Variants in CHD9 observed in about 807,000 individuals in gnomAD.
CHD9 encodes chromodomain helicase DNA binding protein 9.
CHD9 carries 77 observed loss-of-function variants against 316.1 expected under a neutral mutation model. The observed-to-expected ratio is 0.24, with a 90% CI of 0.20 to 0.29. CHD9 has a LOEUF of 0.29. Among genes scored for constraint, CHD9 ranks in the 10% least tolerant of loss-of-function variants. The pLI, the probability that CHD9 is intolerant of heterozygous loss-of-function variation, is 1.00. For synonymous variants in CHD9, 1,129 were observed against 1,158.3 expected (o/e 0.97, Z 0.51); for missense variants, 2,763 against 3,438.1 (o/e 0.80, Z 4.91).
At position 53,246,805 on chromosome 16, in the gene CHD9, C is replaced by T. The variant is rs888195693; in HGVS notation, c.3455-488C>T. On this transcript the variant is annotated intron_variant, in intron 15 of 38. Transcript: ENST00000447540. ...TCCCAAAGTGCTGAAATTACAGGCA[C>T]GAGCCACTGCACCTAGCCTTAATTT... Among the ~76,000 whole-genome samples, 40 of 152,058 alleles carry T rather than the reference C, an allele frequency of 2.6e-4. No homozygotes were observed. In the South Asian group the frequency reaches 5.4e-3, roughly 21 times the overall value.
chr16:53,100,526 A>G (rs1346052562), intron 1 of CHD9, among the ~76,000 whole-genome samples: 1 of 146,510 alleles, frequency 6.8e-6, no homozygotes, highest in African/African-American at 2.5e-5. Flanking sequence ...GTGGCTGATC[A>G]TAGCTCAGTG....
At chr16:53,259,673 C>T (rs941648291) in intron 19 of CHD9, among the ~76,000 whole-genome samples, 4 of 152,068 alleles carry the variant, frequency 2.6e-5, no homozygotes, top group African/African-American at 9.7e-5. Context: ...CCGCCATGCC[C>T]AGTTAATTTT....
intron 1 of CHD9, among the ~76,000 whole-genome samples, chr16:53,154,789 C>T (rs10468261): frequency 6.6e-6 from 1 of 152,224 alleles, no homozygotes; most frequent in East Asian, 1.9e-4. Context: ...TCTAACAGGC[C>T]ACGCACCCAT....
At chr16:53,103,650 A>G (rs2037078770) in intron 1 of CHD9, among the ~76,000 whole-genome samples, 1 of 152,230 alleles carries the variant, frequency 6.6e-6, no homozygotes, top group African/African-American at 2.4e-5. Flanking sequence ...GGGTAGAGCT[A>G]GAAAGTTCTT....
In CHD9 at chr16:53,318,289, T is replaced by C. The variant is rs770563888; in HGVS notation, c.7662T>C (p.Ser2554=). The C allele has an allele frequency of 3.0e-5, 48 of 1,612,492 alleles. No individual in the cohort carries two copies. Among genetic ancestry groups the C allele is most frequent in the Non-Finnish European group, 3.1e-5 (37 of 1,179,176 alleles). ...ACCCCAATAAACTAGATGTGAATAG[T>C]CTCACTGGAGAAGAACGTGTTCAAC... ...CRNPNKLDVN[S]LTGEERVQLI... The change falls in exon 37 of 39, where the codon AGT becomes AGC. Residue 2554 remains serine (S), a synonymous_variant. Coordinates refer to ENST00000447540, the MANE Select transcript of CHD9 (RefSeq NM_001308319.2).
chr16:53,321,126 C>A (rs1395860880), intron 37 of CHD9: 3 of 726,500 alleles, frequency 4.1e-6, no homozygotes, highest in Non-Finnish European at 6.3e-6. Context: ...TTATAAAACC[C>A]TATGAGGGAA....
intron 2 of CHD9, among the ~76,000 whole-genome samples, chr16:53,206,219 C>T (rs1466785065): frequency 6.6e-6 from 1 of 152,116 alleles, no homozygotes; most frequent in East Asian, 1.9e-4. Flanking sequence ...TCCCAAAGTG[C>T]TGGGATTATA....
At chr16:53,165,531 T>C (rs2152766091) in intron 2 of CHD9, among the ~76,000 whole-genome samples, 1 of 152,232 alleles carries the variant, frequency 6.6e-6, no homozygotes, top group East Asian at 1.9e-4. Context: ...TGAAAATAAT[T>C]TTAAAGGGAG....
Position 53,209,550 on chromosome 16 carries a change from C to A in CHD9, c.1521C>A (p.Val507=). The A allele has an allele frequency of 1.2e-6, 2 of 1,613,648 alleles. No homozygotes were observed. Among genetic ancestry groups the A allele is most frequent in the African/African-American group, 1.3e-5 (1 of 75,000 alleles). ...AGTTGCAGAATACCCAGGTGAGGGT[C>A]ATGTCTGAGAAGAAGCAGAGAAAAA... The part of the protein sequence containing the change: ...YTKLQNTQVR[V]MSEKKQRKKV... Residue 507 remains valine (V), a synonymous_variant, in exon 3 of 39, where the codon GTC becomes GTA. Coordinates refer to ENST00000447540, the MANE Select transcript of CHD9 (RefSeq NM_001308319.2).
intron 1 of CHD9, among the ~76,000 whole-genome samples, chr16:53,069,256 G>A (rs547122665): frequency 1.3e-5 from 2 of 152,094 alleles, no homozygotes; most frequent in African/African-American, 4.8e-5. Flanking sequence ...CACCCACCTC[G>A]GCTTCCCAAA....
intron 1 of CHD9, among the ~76,000 whole-genome samples, chr16:53,130,708 C>G (rs978809925): frequency 6.6e-6 from 1 of 151,674 alleles, no homozygotes; most frequent in Non-Finnish European, 1.5e-5. Context: ...GAGCAACGAC[C>G]CCGCCTCGCA....
intron 1 of CHD9, among the ~76,000 whole-genome samples, chr16:53,105,137 G>A (rs762790106): frequency 1.7e-4 from 26 of 151,952 alleles, no homozygotes; most frequent in Admixed American, 1.5e-3. Context: ...GTCACCACGC[G>A]CAGCCTCTTT....
At chr16:53,259,020 T>C (rs749745605) in intron 19 of CHD9, among the ~76,000 whole-genome samples, 24 of 152,206 alleles carry the variant, frequency 1.6e-4, no homozygotes, top group Non-Finnish European at 2.9e-4. Context: ...CAATTTAAAA[T>C]CTTCTCTTGC....
rs549828011 is a variant in CHD9 at position 53,261,982 on chromosome 16, A to G, written c.4210-1005A>G. Among the ~76,000 whole-genome samples, 6 of 152,306 alleles carry G rather than the reference A, an allele frequency of 3.9e-5. No homozygotes were observed. The South Asian group carries it at 6.2e-4, about 16-fold the overall frequency. On this transcript the variant is annotated intron_variant, in intron 19 of 38. Coordinates refer to ENST00000447540, the MANE Select transcript of CHD9 (RefSeq NM_001308319.2). ...TGGCTTGTTTGCTTTTAACAGTTTT[A>G]TCTTTTTAATGTGGGATTTTTCTGG...
chr16:53,121,177 T>C (rs1208480395), intron 1 of CHD9: 1 of 338,570 alleles, frequency 3.0e-6, no homozygotes, highest in Non-Finnish European at 5.9e-6. Context: ...TTCATTGTTG[T>C]ATTCCCAGCC....
At chr16:53,217,797 G>T (rs763714221) in intron 3 of CHD9, among the ~76,000 whole-genome samples, 8 of 151,764 alleles carry the variant, frequency 5.3e-5, no homozygotes, top group Non-Finnish European at 1.2e-4. Flanking sequence ...TTAGAAATAG[G>T]GTTTTACTTT....
intron 11 of CHD9, among the ~76,000 whole-genome samples, chr16:53,235,651 T>C (rs1037320112): frequency 2.0e-5 from 3 of 152,178 alleles, no homozygotes; most frequent in African/African-American, 4.8e-5. Flanking sequence ...TAGTGAGTTA[T>C]GAGCAAGGTA....
At chr16:53,194,412 A>G (rs751871285) in intron 2 of CHD9, among the ~76,000 whole-genome samples, 8 of 151,944 alleles carry the variant, frequency 5.3e-5, no homozygotes, top group Non-Finnish European at 1.0e-4. Flanking sequence ...TTGTCTCTAT[A>G]AAAATACAAA....
chr16:53,141,396 C>T (rs562614142), intron 1 of CHD9, among the ~76,000 whole-genome samples: 4 of 152,038 alleles, frequency 2.6e-5, no homozygotes, highest in East Asian at 1.9e-4. Flanking sequence ...CTAAGGGATA[C>T]GTGAGAATTA....
Sources: gnomAD v4.1 joint callset for allele counts (sites outside exome capture counted in the v4.1 genomes callset) on GRCh38, gnomAD v4.1.1 for gene constraint, MANE v1.5 for transcripts, NCBI Gene and HGNC (gene_info 2026-07-23, HGNC 2026-07-21) for gene names.